The following PRR11 variants were observed in gnomAD, a reference collection of about 807,000 sequenced individuals.
PRR11 encodes proline rich 11, also known as proline-rich protein 11.
A neutral mutation model predicts 45.6 loss-of-function variants in PRR11; 30 were observed. The observed-to-expected ratio is 0.66, with a 90% CI of 0.49 to 0.89. The LOEUF (loss-of-function observed/expected upper bound fraction) is 0.89, where lower values mean the gene tolerates loss of function less well. Ranked by LOEUF, PRR11 falls within the 40% of genes least tolerant of loss-of-function variation. The pLI is 0.00. For synonymous variants in PRR11, 128 were observed against 153.5 expected, an observed-to-expected ratio of 0.83 and a Z score of 1.23; for missense variants, 373 against 424.8, an observed-to-expected ratio of 0.88 and a Z score of 1.07.
rs145980596 is a variant in PRR11 at position 59,195,451 on chromosome 17, A to T, written c.857+8A>T. 8.7e-5 allele frequency: 132 copies of T among 1,511,504 alleles called. No individual in the cohort carries two copies. The African/African-American group carries it at 1.6e-3, about 18-fold the overall frequency. 93.6% of individuals were successfully genotyped at this position (1,511,504 alleles called of 1,614,324 possible). A position where few individuals can be genotyped will look rare whatever the true frequency, so the allele number is the denominator to read the frequency against. On this transcript the variant is annotated splice_region_variant and intron_variant, in intron 7 of 9. Coordinates refer to ENST00000262293, the MANE Select transcript of PRR11 (RefSeq NM_018304.4). ...AGTTACAAACGTCTTAATGTAAGGA[A>T]CTGCACAGTACTATGCTCTACTACT...
At chr17:59,187,217 T>C in intron 4 of PRR11, among the ~76,000 whole-genome samples, 1 of 151,226 alleles carries the variant, frequency 6.6e-6, no homozygotes, top group East Asian at 1.9e-4. Flanking sequence ...AAAAATAAAA[T>C]AAAATAAAAA....
chr17:59,175,601 G>A (rs2046740140), intron 2 of PRR11, among the ~76,000 whole-genome samples: 2 of 152,190 alleles, frequency 1.3e-5, no homozygotes, highest in Non-Finnish European at 2.9e-5. Flanking sequence ...AAATCAGCCT[G>A]GTGTGGTGGC....
At chr17:59,170,786 C>T (rs913011301) in intron 2 of PRR11, among the ~76,000 whole-genome samples, 1 of 152,044 alleles carries the variant, frequency 6.6e-6, no homozygotes, top group Non-Finnish European at 1.5e-5. Context: ...GATCAAATAA[C>T]CAAAACCCCA....
At chr17:59,175,046 G>A (rs2046736196) in intron 2 of PRR11, 1 of 618,084 alleles carries the variant, frequency 1.6e-6, no homozygotes, top group Admixed American at 2.3e-5. Flanking sequence ...AGGGTATCTG[G>A]GAGTGGTTCT....
intron 2 of PRR11, chr17:59,181,864 T>A (rs904457702): frequency 3.5e-6 from 5 of 1,409,394 alleles, no homozygotes; most frequent in Non-Finnish European, 4.8e-6. Context: ...GACTGTTGGC[T>A]TCTCCAAGCC....
chr17:59,206,364 A>G lies in PRR11; in HGVS notation c.*4733A>G, dbSNP rs1038073117. ...CTGCTGGGTAACAGAGCAAGACTCC[A>G]TCTCAAAAAGAAAAGAAAAAATGCT... is the stretch of plus-strand genomic sequence containing the variant. On this transcript the variant is annotated 3_prime_UTR_variant, in exon 10 of 10. Transcript: ENST00000262293. Among the ~76,000 whole-genome samples, 1 of 152,100 alleles carries G rather than the reference A, an allele frequency of 6.6e-6. No individual in the cohort carries two copies. The highest frequency in any genetic ancestry group is 2.4e-5 in the African/African-American group (1 of 41,422).
At chr17:59,178,419 T>C in intron 2 of PRR11, 3 of 477,298 alleles carry the variant, frequency 6.3e-6, no homozygotes, top group Admixed American at 2.2e-5. Context: ...AGCTGCACCC[T>C]CCCCCTGGCA....
chr17:59,163,989 T>TG (rs994054383), intron 1 of PRR11, among the ~76,000 whole-genome samples: 2 of 152,024 alleles, frequency 1.3e-5, no homozygotes, highest in Non-Finnish European at 2.9e-5. Flanking sequence ...CACTTGAACT[T>TG]GGGGGGTGGG....
At chr17:59,189,136 TA>T (rs1163718547) in intron 4 of PRR11, among the ~76,000 whole-genome samples, 1 of 150,932 alleles carries the variant, frequency 6.6e-6, no homozygotes, top group Non-Finnish European at 1.5e-5. Flanking sequence ...CCCTCTCTAC[TA>T]AAAAACACAA....
At position 59,204,348 on chromosome 17, in the gene PRR11, A is replaced by G. The variant is rs2046907516; in HGVS notation, c.*2717A>G. 1 of 133,386 alleles carries G rather than the reference A, an allele frequency of 7.5e-6. No individual in the cohort carries two copies. The highest frequency in any genetic ancestry group is 1.5e-5 in the Non-Finnish European group (1 of 64,816). The allele number at this position is 133,386 out of a possible 1,614,324, so 8.3% of individuals were successfully genotyped here. On this transcript the variant is annotated 3_prime_UTR_variant, in exon 10 of 10. Coordinates refer to ENST00000262293, the MANE Select transcript of PRR11 (RefSeq NM_018304.4). ...GAGGTAGAGGTTGCAGTGAGCTGAG[A>G]TTGTGCCACTGTATTCCATCCTGGG...
chr17:59,155,783 C>T lies in PRR11; in HGVS notation c.-28C>T, dbSNP rs1015130075. The T allele has an allele frequency of 5.7e-5, 9 of 158,238 alleles. No homozygotes were observed. The highest frequency in any genetic ancestry group is 5.6e-5 in the Non-Finnish European group (4 of 70,852). 9.8% of individuals were successfully genotyped at this position (158,238 alleles called of 1,614,324 possible). A position where few individuals can be genotyped will look rare whatever the true frequency, so the allele number is the denominator to read the frequency against. Reference sequence around the variant, plus strand: ...GGAGAGGCCACAGCCCGGACTCCATCGACTCCCCCGGCTCTTAGACTAGTA... The same window carrying T: ...GGAGAGGCCACAGCCCGGACTCCATTGACTCCCCCGGCTCTTAGACTAGTA... On this transcript the variant is annotated 5_prime_UTR_variant, in exon 1 of 10. It introduces an in-frame stop codon into an upstream open reading frame of the 5' UTR. Transcript: ENST00000262293.
intron 2 of PRR11, among the ~76,000 whole-genome samples, chr17:59,173,772 A>C (rs2046725992): frequency 6.6e-6 from 1 of 152,202 alleles, no homozygotes; most frequent in Non-Finnish European, 1.5e-5. Context: ...GGACGACTTG[A>C]TCACTCTATT....
At chr17:59,190,064 C>T (rs2046834045) in intron 4 of PRR11, among the ~76,000 whole-genome samples, 1 of 152,172 alleles carries the variant, frequency 6.6e-6, no homozygotes, top group Non-Finnish European at 1.5e-5. Flanking sequence ...TCCCTTCTCT[C>T]CTTCACCTCT....
At chr17:59,180,040 G>A (rs1029872722) in intron 2 of PRR11, among the ~76,000 whole-genome samples, 1 of 150,920 alleles carries the variant, frequency 6.6e-6, no homozygotes, top group African/African-American at 2.4e-5. Flanking sequence ...CCCATGAGCC[G>A]CTCCTTCCCC....
intron 2 of PRR11, among the ~76,000 whole-genome samples, chr17:59,177,862 G>A (rs1384697472): frequency 2.6e-5 from 4 of 152,078 alleles, no homozygotes; most frequent in Non-Finnish European, 5.9e-5. Flanking sequence ...AAAATTATTC[G>A]AGCATGATGG....
In PRR11 at chr17:59,188,960, T is replaced by G. The variant is rs796977340; in HGVS notation, c.402+3398T>G. On this transcript the variant is annotated intron_variant, in intron 4 of 9. Coordinates refer to ENST00000262293, the MANE Select transcript of PRR11 (RefSeq NM_018304.4). Reference sequence around the variant, plus strand: ...GTCTCAAAAATAATAATAATAATAATAATAATAATAATAATACATTATTAA... The same window carrying G: ...GTCTCAAAAATAATAATAATAATAAGAATAATAATAATAATACATTATTAA... Among the ~76,000 whole-genome samples the G allele has an allele frequency of 1.4e-4, 21 of 148,918 alleles. No individual in the cohort carries two copies. The East Asian group carries it at 4.1e-3, about 29-fold the overall frequency.
chr17:59,197,543 G>A lies in PRR11; in HGVS notation c.858-1G>A, dbSNP rs745559677. On this transcript the variant is annotated splice_acceptor_variant, in intron 7 of 9. Transcript: ENST00000262293. LOFTEE classifies it high-confidence loss of function. ...TAATTTTTATATCTTTGTTTTATCA[G>A]CACTCCTGGAAAAAGTCAGATGGAT... 8.7e-6 allele frequency: 14 copies of A among 1,613,388 alleles called. No individual in the cohort carries two copies. The highest frequency in any genetic ancestry group is 1.1e-5 in the Non-Finnish European group (13 of 1,179,562).
At chr17:59,164,857 C>A (rs1188644882) in intron 1 of PRR11, among the ~76,000 whole-genome samples, 1 of 149,370 alleles carries the variant, frequency 6.7e-6, no homozygotes, top group Non-Finnish European at 1.5e-5. Flanking sequence ...CCAGCCTGCA[C>A]GACAGAGCAA....
At chr17:59,197,156 A>G (rs767909268) in intron 7 of PRR11, among the ~76,000 whole-genome samples, 9 of 151,910 alleles carry the variant, frequency 5.9e-5, no homozygotes, top group Non-Finnish European at 1.2e-4. Context: ...TTCTACTGCT[A>G]TTTTTTAATG....
Sources: allele counts gnomAD v4.1 joint callset (sites outside exome capture counted in the v4.1 genomes callset), GRCh38; gene constraint gnomAD v4.1.1; transcripts MANE v1.5; gene names NCBI Gene and HGNC (gene_info 2026-07-23, HGNC 2026-07-21).